Variants in MREG observed in about 807,000 individuals in gnomAD.
MREG encodes melanoregulin, also known as dilute suppressor protein homolog.
MREG carries 31 observed loss-of-function variants against 28.5 expected under a neutral mutation model. That is an observed-to-expected ratio of 1.09 (90% CI 0.82 to 1.47). MREG has a LOEUF of 1.47. Among genes scored for constraint, MREG ranks in the 40% most tolerant of loss-of-function variants. MREG has a pLI of 0.00. For synonymous variants in MREG, 106 were observed against 95.2 expected (o/e 1.11, Z -0.66); for missense variants, 256 against 257.4 (o/e 0.99, Z 0.04).
At chr2:215,988,991 C>T (rs1180621401) in intron 2 of MREG, among the ~76,000 whole-genome samples, 1 of 152,186 alleles carries the variant, frequency 6.6e-6, no homozygotes, top group African/African-American at 2.4e-5. Flanking sequence ...ATGTTCCTGC[C>T]TGCCGGCTCT....
chr2:215,960,363 C>A (rs186802156), intron 2 of MREG, among the ~76,000 whole-genome samples: 35 of 152,348 alleles, frequency 2.3e-4, no homozygotes, highest in Admixed American at 4.6e-4. Flanking sequence ...GTGCTTTGTA[C>A]ACAGCAGGTC....
At position 216,013,254 on chromosome 2, in the gene MREG, G is replaced by C; in HGVS notation, c.74C>G (p.Pro25Arg). The change falls in exon 1 of 5, where the codon CCT (proline) becomes CGT (arginine). Residue 25 changes from proline to arginine, a missense_variant. Physicochemically the swap from Pro to Arg is moderately radical, Grantham distance 103. Transcript: ENST00000263268. ...GCECLEERAL[P>R]EKEPLVSDNN... ...CCACCTGACGAGGGGCTCCTTCTCAGGCAGGGCGCGCTCCTCCAAGCACTC... is the reference window on the plus strand; with the variant it reads ...CCACCTGACGAGGGGCTCCTTCTCACGCAGGGCGCGCTCCTCCAAGCACTC... The C allele has an allele frequency of 6.5e-7, 1 of 1,549,774 alleles. No individual in the cohort carries two copies. Among genetic ancestry groups the C allele is most frequent in the Non-Finnish European group, 8.7e-7 (1 of 1,146,740 alleles).
chr2:215,985,925 T>A (rs182263168), intron 2 of MREG, among the ~76,000 whole-genome samples: 31 of 152,338 alleles, frequency 2.0e-4, no homozygotes, highest in South Asian at 6.2e-4. Context: ...ACTTTTTTTT[T>A]AATTAAAATC....
intron 1 of MREG, among the ~76,000 whole-genome samples, chr2:216,030,465 A>G (rs1694662654): frequency 6.6e-6 from 1 of 152,220 alleles, no homozygotes; most frequent in East Asian, 1.9e-4. Flanking sequence ...CTAAAATGAG[A>G]TAATGCATGG....
At chr2:216,023,523 T>C (rs1274977131) in intron 1 of MREG, among the ~76,000 whole-genome samples, 2 of 152,086 alleles carry the variant, frequency 1.3e-5, no homozygotes, top group Non-Finnish European at 2.9e-5. Flanking sequence ...TGTATTACTA[T>C]TTCATTTCAT....
chr2:215,958,089 C>T (rs1208388351), intron 2 of MREG, among the ~76,000 whole-genome samples: 1 of 141,534 alleles, frequency 7.1e-6, no homozygotes, highest in Admixed American at 7.4e-5. Context: ...GGGGACATCA[C>T]ACACCGGGGA....
rs538567140 is a variant in MREG at position 215,996,167 on chromosome 2, T to G, written c.255+139A>C. On this transcript the variant is annotated intron_variant, in intron 2 of 4. Coordinates refer to ENST00000263268, the MANE Select transcript of MREG (RefSeq NM_018000.3). ...ATAATTAGCAACCAGTGATAATATA[T>G]GCTGCTAAAATACCTGCCCTTCATT... 6 of 863,566 alleles carry G rather than the reference T, an allele frequency of 6.9e-6. No individual in the cohort carries two copies. In the Admixed American group the frequency reaches 2.0e-4, roughly 28 times the overall value. The allele number at this position is 863,566 out of a possible 1,614,324, so 53.5% of individuals were successfully genotyped here. A position where few individuals can be genotyped will look rare whatever the true frequency, so the allele number is the denominator to read the frequency against.
intron 1 of MREG, among the ~76,000 whole-genome samples, chr2:216,003,725 A>G (rs564851821): frequency 3.9e-4 from 59 of 152,068 alleles, no homozygotes; most frequent in African/African-American, 1.3e-3. Flanking sequence ...CATCCTTCCC[A>G]TTGCTCAGGC....
intron 1 of MREG, among the ~76,000 whole-genome samples, chr2:216,010,439 G>A (rs1315946009): frequency 1.5e-5 from 2 of 134,446 alleles, no homozygotes; most frequent in African/African-American, 5.7e-5. Flanking sequence ...TTCACTGCAA[G>A]CTCCGCCTCC....
chr2:215,987,758 C>T (rs922452984), intron 2 of MREG, among the ~76,000 whole-genome samples: 5 of 151,936 alleles, frequency 3.3e-5, no homozygotes, highest in Non-Finnish European at 5.9e-5. Context: ...TAAAAATTAG[C>T]CGGGTGTGGT....
At chr2:215,941,840 C>T (rs539506292), downstream of MREG, 1 of 152,346 alleles carries the variant, frequency 6.6e-6, no homozygotes, top group African/African-American at 2.4e-5. Flanking sequence ...ATCCTTCAAC[C>T]TGGCCACTCA....
intron 2 of MREG, among the ~76,000 whole-genome samples, chr2:215,958,274 A>G (rs1328207107): frequency 1.3e-5 from 2 of 148,298 alleles, no homozygotes; most frequent in Non-Finnish European, 3.0e-5. Flanking sequence ...AAATAAAAAT[A>G]AATAAATAAA....
At chr2:215,960,786 A>G (rs1230312187) in intron 2 of MREG, among the ~76,000 whole-genome samples, 1 of 152,088 alleles carries the variant, frequency 6.6e-6, no homozygotes, top group Non-Finnish European at 1.5e-5. Context: ...GTGAGTTGAG[A>G]TCGGGCCACT....
At chr2:216,033,139 T>C (rs1694736018), upstream of MREG, among the ~76,000 whole-genome samples, 2 of 152,216 alleles carry the variant, frequency 1.3e-5, no homozygotes, top group Admixed American at 6.5e-5. Flanking sequence ...ATGTATAATA[T>C]AGCTGCAGAC....
chr2:215,984,602 C>T (rs1266990408), intron 2 of MREG, among the ~76,000 whole-genome samples: 2 of 147,890 alleles, frequency 1.4e-5, no homozygotes, highest in Non-Finnish European at 3.0e-5. Context: ...CCTAAAGGAA[C>T]TGCCAAACCA....
chr2:215,990,609 TAA>T (rs755821850), intron 2 of MREG, among the ~76,000 whole-genome samples: 7 of 152,084 alleles, frequency 4.6e-5, no homozygotes, highest in Non-Finnish European at 7.4e-5. Flanking sequence ...GCAAATTGGA[TAA>T]AGAGTCAAGA....
At chr2:215,964,110 T>C (rs977355092) in intron 2 of MREG, among the ~76,000 whole-genome samples, 3 of 152,086 alleles carry the variant, frequency 2.0e-5, no homozygotes, top group Admixed American at 2.0e-4. Flanking sequence ...TTTATACAGT[T>C]AGGGGAAAAA....
At chr2:215,998,765 C>T (rs1404217133) in intron 1 of MREG, among the ~76,000 whole-genome samples, 1 of 151,000 alleles carries the variant, frequency 6.6e-6, no homozygotes, top group Non-Finnish European at 1.5e-5. Flanking sequence ...TCATTTCATT[C>T]ATTCCATTGT....
chr2:215,958,269 A>AAAATAAAT (rs536690921), intron 2 of MREG, among the ~76,000 whole-genome samples: 79 of 150,304 alleles, frequency 5.3e-4, no homozygotes, highest in Middle Eastern at 3.4e-3. Flanking sequence ...TAATAAAATA[A>AAAATAAAT]AAATAAATAA....
Sources: gnomAD v4.1 joint callset for allele counts (sites outside exome capture counted in the v4.1 genomes callset) on GRCh38, gnomAD v4.1.1 for gene constraint, MANE v1.5 for transcripts, NCBI Gene and HGNC (gene_info 2026-07-23, HGNC 2026-07-21) for gene names.